Variants in REXO5 observed in about 807,000 individuals in gnomAD.
The protein encoded by REXO5 is exonuclease NEF-sp.
Under a neutral mutation model 88.5 loss-of-function variants are expected in REXO5, and 48 were observed. The ratio of observed to expected loss-of-function variants is 0.54; its 90% CI spans 0.43 to 0.69. The LOEUF (loss-of-function observed/expected upper bound fraction) is 0.69, where lower values mean the gene tolerates loss of function less well. REXO5 is among the 30% of genes least tolerant of loss of function. The probability of loss-of-function intolerance (pLI) is 0.00; values close to 1 mark genes in which losing one functional copy is unlikely to be tolerated. For synonymous variants in REXO5, 311 were observed against 336.5 expected, an observed-to-expected ratio of 0.92 and a Z score of 0.83; for missense variants, 749 against 912.2, an observed-to-expected ratio of 0.82 and a Z score of 2.30.
intron 7 of REXO5, 122 bp from the exon 8 acceptor site, chr16:20,825,711 T>A: frequency 1.5e-6 from 1 of 656,222 alleles, no homozygotes; most frequent in Non-Finnish European, 2.6e-6. Context: ...AGAAAGCAAG[T>A]TTGTGCCATT....
rs370873504 is a variant in REXO5, at chr16:20,846,334, C to T, written c.2238C>T (p.Thr746=). 25 of 1,611,942 alleles carry T rather than the reference C, an allele frequency of 1.6e-5. No individual in the cohort carries two copies. Among genetic ancestry groups the T allele is most frequent in the Non-Finnish European group, 1.9e-5 (22 of 1,178,060 alleles). ...GTLCLILLPG[T]KSTHGSLSGL... ...TCTGCCTCATCCTGCTGCCAGGAAC[C>T]AAGAGGTAAGGACTAGAAAGGGTAT... Residue 746 remains threonine (T), a synonymous_variant, in exon 19 of 20, where the codon ACC becomes ACT. Transcript: ENST00000261377.
rs527322675 is a variant in REXO5 at position 20,827,561 on chromosome 16, A to C, written c.1055+114A>C. 1.6e-4 allele frequency: 118 copies of C among 754,092 alleles called. 1 individual carries two copies. The Middle Eastern group carries it at 2.7e-3, about 17-fold the overall frequency. 46.7% of individuals were successfully genotyped at this position (754,092 alleles called of 1,614,324 possible). On this transcript the variant is annotated intron_variant, in intron 10 of 19. Transcript: ENST00000261377. The stretch of plus-strand genomic sequence containing the variant: ...CAGGGTTTCTGCTCTCTTTGCTTTA[A>C]ACATGTTTTTTTGCATTTCTTATGA...
intron 13 of REXO5, among the ~76,000 whole-genome samples, chr16:20,837,461 A>G (rs2081450134): frequency 6.6e-6 from 1 of 152,026 alleles, no homozygotes; most frequent in African/African-American, 2.4e-5. Context: ...ACTTATGCAT[A>G]TATGTTGTTC....
chr16:20,820,044 C>T (rs1187311587), intron 5 of REXO5, among the ~76,000 whole-genome samples: 1 of 152,184 alleles, frequency 6.6e-6, no homozygotes, highest in Non-Finnish European at 1.5e-5. Context: ...GCATGCCATG[C>T]ACCCAGCCTC....
rs897983855 is a variant in REXO5, at chr16:20,806,548, G to A, written c.-160G>A. On this transcript the variant is annotated 5_prime_UTR_variant, in exon 1 of 20. Coordinates refer to ENST00000261377, the MANE Select transcript of REXO5 (RefSeq NM_030941.3). ...GGTTGTTGTTGGCAGCTGTGGCTAA[G>A]GAGGGGAGAACCTCTGCTCCCCGCC... The A allele has an allele frequency of 2.0e-6, 3 of 1,517,252 alleles. No individual in the cohort carries two copies. The South Asian group carries it at 3.7e-5, about 19-fold the overall frequency. The allele number at this position is 1,517,252 out of a possible 1,614,324, so 94.0% of individuals were successfully genotyped here.
At chr16:20,812,302 G>T (rs1337781622) in intron 2 of REXO5, among the ~76,000 whole-genome samples, 2 of 152,052 alleles carry the variant, frequency 1.3e-5, no homozygotes, top group Non-Finnish European at 2.9e-5. Flanking sequence ...AGAGCAGATC[G>T]CTTGAGCTCA....
chr16:20,813,443 C>G (rs1164167852), intron 3 of REXO5, 141 bp downstream of exon 3: 1 of 546,890 alleles, frequency 1.8e-6, no homozygotes, highest in Non-Finnish European at 3.2e-6. Context: ...TGCAGCATGT[C>G]CTGAATTTTT....
intron 12 of REXO5, 79 bp from the exon 13 acceptor site, chr16:20,832,924 T>C (rs991701950): frequency 7.3e-7 from 1 of 1,371,124 alleles, no homozygotes; most frequent in African/African-American, 1.4e-5. Context: ...TACCATATTG[T>C]ATAATGCAAG....
intron 17 of REXO5, 81 bp downstream of exon 17, chr16:20,844,926 A>G: frequency 6.5e-7 from 1 of 1,540,490 alleles, no homozygotes; most frequent in South Asian, 1.1e-5. Context: ...AGGAAGATTC[A>G]CCTCCTGGGC....
At chr16:20,810,828 AC>A (rs1262969415) in intron 2 of REXO5, among the ~76,000 whole-genome samples, 1 of 151,998 alleles carries the variant, frequency 6.6e-6, no homozygotes, top group Non-Finnish European at 1.5e-5. Flanking sequence ...AGGCTCTGTC[AC>A]CCTGCACTGG....
intron 12 of REXO5, among the ~76,000 whole-genome samples, chr16:20,832,494 A>C (rs1179091832): frequency 1.0e-5 from 1 of 100,440 alleles, no homozygotes; most frequent in Non-Finnish European, 2.2e-5. Flanking sequence ...ATCCTTGATC[A>C]AAAAAAAAAA....
At chr16:20,813,615 C>T (rs1208408655) in intron 3 of REXO5, among the ~76,000 whole-genome samples, 1 of 152,146 alleles carries the variant, frequency 6.6e-6, no homozygotes, top group Non-Finnish European at 1.5e-5. Context: ...ATGTATACTA[C>T]AATGTCCTAC....
At chr16:20,820,073 T>A (rs1038710677) in intron 5 of REXO5, among the ~76,000 whole-genome samples, 3 of 152,166 alleles carry the variant, frequency 2.0e-5, no homozygotes, top group Non-Finnish European at 4.4e-5. Flanking sequence ...TTTTTACAAA[T>A]CTTTGAGGTT....
intron 6 of REXO5, 106 bp downstream of exon 6, chr16:20,822,008 T>G: frequency 8.8e-7 from 1 of 1,131,146 alleles, no homozygotes; most frequent in South Asian, 2.1e-5. Context: ...TCTGAGTGGC[T>G]TATTCTTATT....
At chr16:20,833,191 T>A in intron 13 of REXO5, 68 bp downstream of exon 13, 1 of 1,483,046 alleles carries the variant, frequency 6.7e-7, no homozygotes, top group Non-Finnish European at 9.1e-7. Flanking sequence ...TTTGCACCCA[T>A]GCCAGTGTCA....
chr16:20,824,387 A>T, intron 6 of REXO5, 52 bp from the exon 7 acceptor site: 1 of 989,448 alleles, frequency 1.0e-6, no homozygotes, highest in Non-Finnish European at 1.6e-6. Context: ...TCTAAGAGTG[A>T]TGTTTACCAT....
At chr16:20,835,553 G>A (rs1422052800) in intron 13 of REXO5, among the ~76,000 whole-genome samples, 2 of 151,870 alleles carry the variant, frequency 1.3e-5, no homozygotes, top group African/African-American at 4.8e-5. Flanking sequence ...TATTTGAGGG[G>A]GATTATTTAT....
intron 13 of REXO5, among the ~76,000 whole-genome samples, chr16:20,837,747 G>A (rs912732270): frequency 3.3e-5 from 5 of 151,546 alleles, no homozygotes; most frequent in East Asian, 1.9e-4. Context: ...GAAATGCTTC[G>A]ATTCTCACTT....
chr16:20,849,270 A>G (rs1009762054), intron 19 of REXO5, 129 bp from the exon 20 acceptor site: 4 of 808,724 alleles, frequency 4.9e-6, no homozygotes, highest in Admixed American at 2.8e-5. Flanking sequence ...GCAGCTTTCC[A>G]TAAACCTTCC....
Sources: gnomAD v4.1 joint callset for allele counts (sites outside exome capture counted in the v4.1 genomes callset) on GRCh38, gnomAD v4.1.1 for gene constraint, MANE v1.5 for transcripts, NCBI Gene and HGNC (gene_info 2026-07-23, HGNC 2026-07-21) for gene names.